The following CPQ variants were observed in gnomAD, a reference collection of about 807,000 sequenced individuals.
The protein encoded by CPQ is Ser-Met dipeptidase.
In CPQ, 37 loss-of-function variants were observed where a neutral mutation model predicts 45.7. The ratio of observed to expected loss-of-function variants is 0.81; its 90% confidence interval spans 0.62 to 1.07. The LOEUF is 1.07. Among genes scored for constraint, CPQ ranks in the 50% least tolerant of loss-of-function variants. CPQ has a pLI of 0.00. For missense variants in CPQ, 537 were observed against 572.9 expected (o/e 0.94, Z 0.64); for synonymous variants, 186 against 205.8 (o/e 0.90, Z 0.82).
rs543507971 is a variant in CPQ at position 96,704,608 on chromosome 8, G to T, written c.-35+59206G>T. Among the ~76,000 whole-genome samples, 3 of 152,270 alleles carry T rather than the reference G, an allele frequency of 2.0e-5. No homozygotes were observed. In the East Asian group the frequency reaches 5.8e-4, roughly 29 times the overall value. On this transcript the variant is annotated intron_variant, in intron 1 of 7. Transcript: ENST00000220763. ...GTGATATAAAATTGATATATCTGGA[G>T]TTCAAGAGTAGGAGAGTATATTAGG...
chr8:96,717,039 ATATATATATATATATATATATATATATAT>A (rs1809686498), intron 1 of CPQ, among the ~76,000 whole-genome samples: 1 of 29,148 alleles, frequency 3.4e-5, no homozygotes. Flanking sequence ...ATATATATAT[ATATATATATATATATATATATATATATAT>A]ATATATATAC....
At chr8:96,823,336 T>C (rs997574663) in intron 2 of CPQ, among the ~76,000 whole-genome samples, 12 of 152,030 alleles carry the variant, frequency 7.9e-5, no homozygotes, top group Admixed American at 3.9e-4. Context: ...CATTTTTAAT[T>C]ATATAATTTT....
intron 3 of CPQ, among the ~76,000 whole-genome samples, chr8:96,855,352 G>A: frequency 6.6e-6 from 1 of 152,194 alleles, no homozygotes; most frequent in South Asian, 2.1e-4. Flanking sequence ...CTGCTGAGGA[G>A]GGCTGGGAAC....
intron 1 of CPQ, among the ~76,000 whole-genome samples, chr8:96,722,146 C>A (rs772808584): frequency 6.6e-6 from 1 of 152,136 alleles, no homozygotes; most frequent in Non-Finnish European, 1.5e-5. Context: ...TAGTACAATG[C>A]ATGGTTCACA....
intron 5 of CPQ, among the ~76,000 whole-genome samples, chr8:96,966,695 CACTAATATAA>C (rs1227118208): frequency 3.3e-5 from 5 of 152,146 alleles, no homozygotes; most frequent in African/African-American, 1.2e-4. Context: ...TTTTGAGAAC[CACTAATATAA>C]ACTAATAAAA....
At chr8:97,114,004 A>G (rs764184207) in intron 7 of CPQ, among the ~76,000 whole-genome samples, 8 of 152,174 alleles carry the variant, frequency 5.3e-5, no homozygotes, top group Non-Finnish European at 8.8e-5. Context: ...CTCTTTCCAG[A>G]GCCATCCCTC....
intron 3 of CPQ, among the ~76,000 whole-genome samples, chr8:96,846,151 A>G (rs1167633376): frequency 6.6e-6 from 1 of 152,126 alleles, no homozygotes; most frequent in Non-Finnish European, 1.5e-5. Flanking sequence ...GTACCATTTT[A>G]TATTTTCGGC....
intron 4 of CPQ, among the ~76,000 whole-genome samples, chr8:96,914,252 C>T (rs904792327): frequency 6.6e-6 from 1 of 152,032 alleles, no homozygotes; most frequent in Non-Finnish European, 1.5e-5. Flanking sequence ...TATAAAAAGG[C>T]AAGGGTGGTT....
chr8:96,652,877 G>T (rs577887240), intron 1 of CPQ, among the ~76,000 whole-genome samples: 1 of 152,080 alleles, frequency 6.6e-6, no homozygotes, highest in African/African-American at 2.4e-5. Context: ...CTCGTGATCC[G>T]CCCGCCTCAG....
At chr8:96,958,724 C>A (rs940680549) in intron 4 of CPQ, among the ~76,000 whole-genome samples, 1 of 152,050 alleles carries the variant, frequency 6.6e-6, no homozygotes, top group African/African-American at 2.4e-5. Flanking sequence ...AGCATGCAAC[C>A]AGGAATAGGC....
chr8:96,851,825 T>C (rs961991506), intron 3 of CPQ, among the ~76,000 whole-genome samples: 10 of 152,232 alleles, frequency 6.6e-5, no homozygotes, highest in African/African-American at 2.4e-4. Context: ...TTTTGGAAGA[T>C]GGATTTTGAA....
At chr8:97,059,128 A>G (rs1563568812) in intron 6 of CPQ, among the ~76,000 whole-genome samples, 1 of 152,146 alleles carries the variant, frequency 6.6e-6, no homozygotes, top group Non-Finnish European at 1.5e-5. Context: ...ACTAAGATCT[A>G]GAGTGCTTCA....
At chr8:97,042,112 T>A (rs1301152138) in intron 6 of CPQ, among the ~76,000 whole-genome samples, 1 of 152,254 alleles carries the variant, frequency 6.6e-6, no homozygotes, top group South Asian at 2.1e-4. Flanking sequence ...ATCCATCTGG[T>A]CCTGGACTCT....
chr8:97,021,515 C>T (rs756991789), intron 5 of CPQ, among the ~76,000 whole-genome samples: 11 of 152,224 alleles, frequency 7.2e-5, no homozygotes, highest in South Asian at 2.1e-4. Flanking sequence ...GAAAAGTTTC[C>T]GGATACAAAA....
intron 2 of CPQ, among the ~76,000 whole-genome samples, chr8:96,819,843 C>T (rs2130835852): frequency 6.6e-6 from 1 of 152,120 alleles, no homozygotes; most frequent in East Asian, 1.9e-4. Flanking sequence ...AGCCATGTTT[C>T]ATCTCCTGTT....
At chr8:97,096,606 C>T (rs1419331260) in intron 7 of CPQ, among the ~76,000 whole-genome samples, 3 of 152,190 alleles carry the variant, frequency 2.0e-5, no homozygotes, top group Non-Finnish European at 4.4e-5. Context: ...TGTGCCTGAA[C>T]AGTTGAGTCC....
chr8:96,801,002 G>A (rs1252200387), intron 2 of CPQ, among the ~76,000 whole-genome samples: 1 of 150,316 alleles, frequency 6.7e-6, no homozygotes, highest in Non-Finnish European at 1.5e-5. Context: ...TTGAGACAGG[G>A]TCTCACTCTG....
chr8:96,830,370 C>A (rs1196021555), intron 2 of CPQ, among the ~76,000 whole-genome samples: 2 of 151,946 alleles, frequency 1.3e-5, no homozygotes, highest in Non-Finnish European at 2.9e-5. Context: ...AGATTGGAGT[C>A]TTTTTATCAA....
In CPQ at chr8:96,785,312, A is replaced by G. The variant is rs1810753537; in HGVS notation, c.415A>G (p.Ile139Val). 6.2e-6 allele frequency: 10 copies of G among 1,607,290 alleles called. No individual in the cohort carries two copies. Among genetic ancestry groups the G allele is most frequent in the East Asian group, 2.2e-5 (1 of 44,704 alleles). ...KIAILGLGSSIGTPPEGITAE... is the reference protein window; with the variant it reads ...KIAILGLGSSVGTPPEGITAE... ...AGCCATCCTGGGTCTTGGCAGCAGC[A>G]TTGGGACTCCTCCAGAAGGTATTGT... Residue 139 changes from isoleucine to valine, a missense_variant, in exon 2 of 8, where the codon ATT (isoleucine) becomes GTT (valine). Coordinates refer to ENST00000220763, the MANE Select transcript of CPQ (RefSeq NM_016134.4).
Sources: gnomAD v4.1 joint callset for allele counts (sites outside exome capture counted in the v4.1 genomes callset) on GRCh38, gnomAD v4.1.1 for gene constraint, MANE v1.5 for transcripts, NCBI Gene and HGNC (gene_info 2026-07-23, HGNC 2026-07-21) for gene names.